The following FRMD4A variants were observed in gnomAD, a reference collection of about 807,000 sequenced individuals.
FRMD4A encodes FERM domain containing 4A, also known as FERM domain-containing protein 4A.
A neutral mutation model predicts 129.1 loss-of-function variants in FRMD4A; 29 were observed. The observed-to-expected ratio is 0.22, with a 90% confidence interval of 0.17 to 0.31. The LOEUF (loss-of-function observed/expected upper bound fraction) is 0.31, where lower values mean the gene tolerates loss of function less well. Ranked by LOEUF, FRMD4A falls within the 10% of genes least tolerant of loss-of-function variation. FRMD4A has a pLI of 1.00. For synonymous variants in FRMD4A, 634 were observed against 571.6 expected (o/e 1.11, Z -1.56); for missense variants, 1,272 against 1,375.8 (o/e 0.92, Z 1.19).
At chr10:13,981,794 T>A (rs1422853953) in intron 2 of FRMD4A, among the ~76,000 whole-genome samples, 2 of 145,986 alleles carry the variant, frequency 1.4e-5, no homozygotes, top group Non-Finnish European at 3.0e-5. Flanking sequence ...TGGAGACTGC[T>A]CCATCTCCCT....
At chr10:14,002,174 C>G (rs904906188) in intron 2 of FRMD4A, among the ~76,000 whole-genome samples, 1 of 152,136 alleles carries the variant, frequency 6.6e-6, no homozygotes, top group Admixed American at 6.5e-5. Context: ...CCCAGACACA[C>G]AAAAACCCTT....
At chr10:14,129,585 C>G (rs936534485) in intron 2 of FRMD4A, among the ~76,000 whole-genome samples, 6 of 151,624 alleles carry the variant, frequency 4.0e-5, no homozygotes, top group Admixed American at 1.3e-4. Context: ...GGAGGCCCGC[C>G]CCTGGAAACA....
chr10:13,774,172 C>T lies in FRMD4A; in HGVS notation c.384+8750G>A, dbSNP rs376340892. 3.3e-5 allele frequency among the ~76,000 whole-genome samples: 5 copies of T among 152,130 alleles called. No homozygotes were observed. The East Asian group carries it at 5.8e-4, about 18-fold the overall frequency. On this transcript the variant is annotated intron_variant, in intron 6 of 24. Coordinates refer to ENST00000357447, the MANE Select transcript of FRMD4A (RefSeq NM_018027.5). ...CACCGGAAGCACACAATGACAGCCCCGCTGTCTCATATCCATATTTTAATT... is the reference window on the plus strand; with the variant it reads ...CACCGGAAGCACACAATGACAGCCCTGCTGTCTCATATCCATATTTTAATT...
At chr10:14,320,679 C>G (rs1220073460) in intron 2 of FRMD4A, among the ~76,000 whole-genome samples, 2 of 152,212 alleles carry the variant, frequency 1.3e-5, no homozygotes, top group African/African-American at 4.8e-5. Context: ...CTTCTTATTT[C>G]TCTAATGAGA....
intron 22 of FRMD4A, 44 bp from the exon 23 acceptor site, chr10:13,654,556 C>T (rs748217128): frequency 7.7e-7 from 1 of 1,293,668 alleles, no homozygotes; most frequent in Non-Finnish European, 1.1e-6. Context: ...AGACAGGGAT[C>T]AGACACAGGT....
intron 5 of FRMD4A, among the ~76,000 whole-genome samples, chr10:13,793,646 G>C (rs534400264): frequency 1.3e-5 from 2 of 152,268 alleles, no homozygotes; most frequent in East Asian, 3.9e-4. Flanking sequence ...GCTGCTCAGA[G>C]CCCAACCGTG....
At chr10:14,317,990 A>C (rs1846810814) in intron 2 of FRMD4A, among the ~76,000 whole-genome samples, 1 of 152,160 alleles carries the variant, frequency 6.6e-6, no homozygotes, top group African/African-American at 2.4e-5. Flanking sequence ...TTGGTGCTTC[A>C]TGCCCATGGG....
intron 8 of FRMD4A, among the ~76,000 whole-genome samples, chr10:13,761,356 T>C (rs2092067272): frequency 6.6e-6 from 1 of 152,170 alleles, no homozygotes; most frequent in Non-Finnish European, 1.5e-5. Context: ...TACGAGACAT[T>C]TGAGCAGCCT....
chr10:13,933,794 G>A (rs1283813991), intron 2 of FRMD4A, among the ~76,000 whole-genome samples: 1 of 152,182 alleles, frequency 6.6e-6, no homozygotes, highest in Non-Finnish European at 1.5e-5. Flanking sequence ...CAGATAGAAA[G>A]GAAGCAGCTT....
At chr10:13,680,894 A>T (rs2084518605) in intron 15 of FRMD4A, among the ~76,000 whole-genome samples, 1 of 152,102 alleles carries the variant, frequency 6.6e-6, no homozygotes, top group Non-Finnish European at 1.5e-5. Context: ...AAAAAAATTA[A>T]ATGATCTAAA....
intron 2 of FRMD4A, among the ~76,000 whole-genome samples, chr10:13,990,848 C>T (rs1004265134): frequency 6.6e-6 from 1 of 152,154 alleles, no homozygotes; most frequent in Non-Finnish European, 1.5e-5. Flanking sequence ...GCCCTTGTTC[C>T]CATTTTTCTT....
chr10:13,708,139 T>C (rs1357260061), intron 12 of FRMD4A, among the ~76,000 whole-genome samples: 1 of 152,234 alleles, frequency 6.6e-6, no homozygotes, highest in African/African-American at 2.4e-5. Context: ...TGTTCTTGTC[T>C]TTCTGCGGGG....
rs2610819 is a variant in FRMD4A at position 13,917,305 on chromosome 10, T to A, written c.46-58393A>T. The stretch of plus-strand genomic sequence containing the variant: ...ACAGATTTTTTTTTTTTTTTTGAGA[T>A]GGAGACTCGCTTTGTCGCCCAGTCT... On this transcript the variant is annotated intron_variant, in intron 2 of 24. Coordinates refer to ENST00000357447, the MANE Select transcript of FRMD4A (RefSeq NM_018027.5). 1.4e-5 allele frequency among the ~76,000 whole-genome samples: 2 copies of A among 147,862 alleles called. 1 individual carries two copies. Among genetic ancestry groups the A allele is most frequent in the Non-Finnish European group, 3.0e-5 (2 of 67,342 alleles).
intron 2 of FRMD4A, among the ~76,000 whole-genome samples, chr10:14,249,149 G>A (rs1844345650): frequency 6.6e-6 from 1 of 152,000 alleles, no homozygotes; most frequent in Admixed American, 6.6e-5. Flanking sequence ...TCAGGAGTTC[G>A]AGACCAGCCT....
intron 2 of FRMD4A, among the ~76,000 whole-genome samples, chr10:13,872,826 G>A (rs1444373109): frequency 2.0e-5 from 3 of 152,158 alleles, no homozygotes. Context: ...TTTTCAAAGG[G>A]AAAGGCAAGT....
intron 2 of FRMD4A, among the ~76,000 whole-genome samples, chr10:14,249,084 C>T (rs1332376150): frequency 1.3e-5 from 2 of 152,176 alleles, no homozygotes; most frequent in Non-Finnish European, 2.9e-5. Flanking sequence ...GATGCAGTGG[C>T]TCATGCCTGT....
intron 2 of FRMD4A, among the ~76,000 whole-genome samples, chr10:13,884,412 T>G (rs2094594944): frequency 6.6e-6 from 1 of 152,200 alleles, no homozygotes; most frequent in African/African-American, 2.4e-5. Context: ...ATTACAGTGT[T>G]GCCTTTTTTG....
chr10:14,088,159 G>A (rs1836405382), intron 2 of FRMD4A, among the ~76,000 whole-genome samples: 1 of 152,094 alleles, frequency 6.6e-6, no homozygotes, highest in African/African-American at 2.4e-5. Context: ...AGATGTGGCT[G>A]AGAAAACAGA....
intron 2 of FRMD4A, among the ~76,000 whole-genome samples, chr10:14,213,351 G>GT (rs1289356723): frequency 1.3e-5 from 2 of 152,194 alleles, no homozygotes; most frequent in African/African-American, 4.8e-5. Context: ...AGGTACTCTG[G>GT]TAATTGCTCT....
Sources: gnomAD v4.1 joint callset for allele counts (sites outside exome capture counted in the v4.1 genomes callset) on GRCh38, gnomAD v4.1.1 for gene constraint, MANE v1.5 for transcripts, NCBI Gene and HGNC (gene_info 2026-07-23, HGNC 2026-07-21) for gene names.